The following ACACB variants were observed in gnomAD, a reference collection of about 807,000 sequenced individuals.
ACACB encodes acetyl-CoA carboxylase beta.
In ACACB, 209 loss-of-function variants were observed where a neutral mutation model predicts 278.8. The ratio of observed to expected loss-of-function variants is 0.75; its 90% CI spans 0.67 to 0.84. The LOEUF is 0.84. Ranked by LOEUF, ACACB falls within the 40% of genes least tolerant of loss-of-function variation. The pLI is 0.00. For missense variants in ACACB, 2,850 were observed against 3,269.0 expected, an observed-to-expected ratio of 0.87 and a Z score of 3.13; for synonymous variants, 1,174 against 1,285.6, an observed-to-expected ratio of 0.91 and a Z score of 1.86.
rs199729624 is a variant in ACACB, at chr12:109,246,466, C to T, written c.5571+18C>T. On this transcript the variant is annotated intron_variant, in intron 39 of 52. Transcript: ENST00000338432. Reference sequence around the variant, plus strand: ...CCCACAAAGTACGTCGTGAAACTGGCGGGGCAGGGTGATTCTGCTCAGCTA... The same window carrying T: ...CCCACAAAGTACGTCGTGAAACTGGTGGGGCAGGGTGATTCTGCTCAGCTA... 159 of 1,604,404 alleles carry T rather than the reference C, an allele frequency of 9.9e-5. No individual in the cohort carries two copies. The highest frequency in any genetic ancestry group is 1.3e-4 in the Non-Finnish European group (148 of 1,172,832).
At chr12:109,188,211 TTCCTTCC>T in intron 13 of ACACB, 49 bp downstream of exon 13, 1 of 1,380,842 alleles carries the variant, frequency 7.2e-7, no homozygotes. Flanking sequence ...CCTTCCTTCC[TTCCTTCC>T]TTCCTTCCTT....
intron 4 of ACACB, 33 bp downstream of exon 4, chr12:109,168,067 G>A (rs781228613): frequency 1.5e-5 from 23 of 1,579,776 alleles, no homozygotes; most frequent in South Asian, 1.2e-4. Flanking sequence ...CTCCCATCAC[G>A]CTCCATCCTT....
At position 109,266,425 on chromosome 12, in the gene ACACB, T is replaced by C; in HGVS notation, c.*63T>C. 1 of 1,509,080 alleles carries C rather than the reference T, an allele frequency of 6.6e-7. No homozygotes were observed. Among genetic ancestry groups the C allele is most frequent in the Non-Finnish European group, 8.8e-7 (1 of 1,132,972 alleles). 93.5% of individuals were successfully genotyped at this position (1,509,080 alleles called of 1,614,324 possible). Reference sequence around the variant, plus strand: ...AGGAACCACCCAGACCCACCACCCGTACACCCTCAGCAGACCCTGAAGACT... The same window carrying C: ...AGGAACCACCCAGACCCACCACCCGCACACCCTCAGCAGACCCTGAAGACT... On this transcript the variant is annotated 3_prime_UTR_variant, in exon 53 of 53. Transcript: ENST00000338432.
chr12:109,212,837 T>C lies in ACACB; in HGVS notation c.3251T>C (p.Ile1084Thr). Residue 1084 changes from isoleucine to threonine, a missense_variant and splice_region_variant, in exon 22 of 53, where the codon ATA (isoleucine) becomes ACA (threonine). Coordinates refer to ENST00000338432, the MANE Select transcript of ACACB (RefSeq NM_001093.4). Reference sequence around the variant, plus strand: ...GACCTGTCTTGTTTTCCCATCCAGATAGCCACCATCCTGGACTGCCATGCA... The same window carrying C: ...GACCTGTCTTGTTTTCCCATCCAGACAGCCACCATCCTGGACTGCCATGCA... The part of the protein sequence containing the change: ...SVLCQFPSQQ[I>T]ATILDCHAAT... The C allele has an allele frequency of 1.2e-6, 2 of 1,613,866 alleles. No homozygotes were observed. The highest frequency in any genetic ancestry group is 1.1e-5 in the South Asian group (1 of 91,076).
At chr12:109,114,000 G>A (rs151182629), upstream of ACACB, among the ~76,000 whole-genome samples, 722 of 151,142 alleles carry the variant, frequency 4.8e-3, 3 homozygotes, top group Middle Eastern at 0.014. Context: ...TTTTTTTTGC[G>A]ATAGAGTCTC....
chr12:109,185,118 TAC>T (rs973227642), intron 11 of ACACB, among the ~76,000 whole-genome samples: 1 of 152,226 alleles, frequency 6.6e-6, no homozygotes, highest in African/African-American at 2.4e-5. Context: ...GTGTCCTTAA[TAC>T]ATCTCATCAT....
At chr12:109,258,420 G>C in intron 46 of ACACB, 56 bp downstream of exon 46, 1 of 1,462,164 alleles carries the variant, frequency 6.8e-7, no homozygotes, top group Non-Finnish European at 9.4e-7. Context: ...GTCGAGAGTG[G>C]GTCCTGGGCG....
intron 21 of ACACB, among the ~76,000 whole-genome samples, chr12:109,210,084 TATATACACAC>T (rs1210291368): frequency 7.9e-6 from 1 of 126,340 alleles, no homozygotes; most frequent in African/African-American, 3.2e-5. Context: ...TATATATGTA[TATATACACAC>T]ATGTGTGTGT....
intron 1 of ACACB, among the ~76,000 whole-genome samples, chr12:109,121,851 G>A (rs1203464409): frequency 1.3e-5 from 2 of 152,226 alleles, no homozygotes; most frequent in Non-Finnish European, 2.9e-5. Flanking sequence ...CCCTTAGGAA[G>A]CTTCTATTCC....
chr12:109,244,824 A>G (rs752968225), intron 37 of ACACB, among the ~76,000 whole-genome samples: 1 of 152,068 alleles, frequency 6.6e-6, no homozygotes, highest in Non-Finnish European at 1.5e-5. Flanking sequence ...CTATCTATCT[A>G]TCGAGAGAAT....
In ACACB at chr12:109,222,729, C is replaced by T. The variant is rs984832029; in HGVS notation, c.3679-70C>T. 66 of 1,538,476 alleles carry T rather than the reference C, an allele frequency of 4.3e-5. No homozygotes were observed. In the African/African-American group the frequency reaches 5.6e-4, roughly 13 times the overall value. On this transcript the variant is annotated intron_variant, in intron 25 of 52. Coordinates refer to ENST00000338432, the MANE Select transcript of ACACB (RefSeq NM_001093.4). ...GCACAGTCCCACCGTGCTGCCGGCC[C>T]GTGCCCGAGCCTCTGCCTTCTGCCC... is the stretch of plus-strand genomic sequence containing the variant.
At chr12:109,121,767 G>C (rs575661611) in intron 1 of ACACB, among the ~76,000 whole-genome samples, 2 of 152,318 alleles carry the variant, frequency 1.3e-5, no homozygotes, top group South Asian at 4.1e-4. Context: ...TCCAGCAAGT[G>C]TTCACTGACC....
intron 38 of ACACB, 44 bp from the exon 39 acceptor site, chr12:109,246,135 A>G: frequency 6.4e-7 from 1 of 1,561,094 alleles, no homozygotes; most frequent in Non-Finnish European, 8.6e-7. Flanking sequence ...GTTTTCCCCC[A>G]AAGAAACAAA....
intron 44 of ACACB, among the ~76,000 whole-genome samples, chr12:109,254,771 G>A (rs888763192): frequency 6.6e-6 from 1 of 151,734 alleles, no homozygotes; most frequent in African/African-American, 2.4e-5. Flanking sequence ...AGGCAATCTG[G>A]TCTCCTCTTC....
chr12:109,238,822 C>A (rs1296117277), intron 34 of ACACB, among the ~76,000 whole-genome samples: 2 of 152,064 alleles, frequency 1.3e-5, no homozygotes, highest in East Asian at 1.9e-4. Flanking sequence ...ACTTCGGCCT[C>A]CCAAAGTGCT....
intron 42 of ACACB, among the ~76,000 whole-genome samples, chr12:109,252,750 G>A (rs2047129117): frequency 6.6e-6 from 1 of 152,182 alleles, no homozygotes. Flanking sequence ...AGATGGTCAA[G>A]GTAGAAGTCA....
At chr12:109,233,425 T>C (rs2046536651) in intron 29 of ACACB, among the ~76,000 whole-genome samples, 1 of 152,154 alleles carries the variant, frequency 6.6e-6, no homozygotes, top group African/African-American at 2.4e-5. Flanking sequence ...AGGTGAGGTT[T>C]CTAGGATCTC....
chr12:109,253,289 T>G, intron 43 of ACACB, 131 bp downstream of exon 43: 1 of 1,004,438 alleles, frequency 1.0e-6, no homozygotes, highest in Non-Finnish European at 1.4e-6. Flanking sequence ...TGGCTGGGGT[T>G]GATTTTTCTT....
At chr12:109,193,864 T>A in intron 16 of ACACB, 135 bp downstream of exon 16, 1 of 733,810 alleles carries the variant, frequency 1.4e-6, no homozygotes, top group East Asian at 2.7e-5. Flanking sequence ...GGAATCCCCA[T>A]GTAGTCCGTG....
Sources: gnomAD v4.1 joint callset for allele counts (sites outside exome capture counted in the v4.1 genomes callset) on GRCh38, gnomAD v4.1.1 for gene constraint, MANE v1.5 for transcripts, NCBI Gene and HGNC (gene_info 2026-07-23, HGNC 2026-07-21) for gene names.